TOX2: variants seen among roughly 807,000 people sequenced by gnomAD.
TOX2 encodes the protein granulosa cell HMG box 1.
TOX2 carries 15 observed loss-of-function variants against 47.4 expected under a neutral mutation model. The ratio of observed to expected loss-of-function variants is 0.32; its 90% confidence interval spans 0.21 to 0.49. The LOEUF (loss-of-function observed/expected upper bound fraction) is 0.49. Among genes scored for constraint, TOX2 ranks in the 20% least tolerant of loss-of-function variants. TOX2 has a pLI of 0.99. For synonymous variants in TOX2, 290 were observed against 296.6 expected (o/e 0.98, Z 0.23); for missense variants, 622 against 673.1 (o/e 0.92, Z 0.84).
At chr20:44,021,180 G>A (rs1047203184) in intron 3 of TOX2, among the ~76,000 whole-genome samples, 2 of 152,102 alleles carry the variant, frequency 1.3e-5, no homozygotes, top group East Asian at 1.9e-4. Flanking sequence ...TGACCAGAAC[G>A]CAAAATTCCT....
In TOX2 at chr20:44,021,606, T is replaced by C. The variant is rs73292458; in HGVS notation, c.411+14814T>C. On this transcript the variant is annotated intron_variant, in intron 3 of 8. Transcript: ENST00000341197. ...AGCAGATTAACTCTAGCCAGTACAT[T>C]GGCTGTGCCCTGCATGCTTCCACTA... Among the ~76,000 whole-genome samples the C allele has an allele frequency of 3.0e-3, 451 of 152,260 alleles. 3 individuals are homozygous for C. Among genetic ancestry groups the C allele is most frequent in the African/African-American group, 0.01 (424 of 41,538 alleles).
intron 1 of TOX2, among the ~76,000 whole-genome samples, chr20:43,960,101 G>A (rs182254707): frequency 1.3e-5 from 2 of 152,186 alleles, no homozygotes; most frequent in Admixed American, 6.5e-5. Context: ...TGAGGTTGTC[G>A]TGAGGATTAT....
intron 2 of TOX2, among the ~76,000 whole-genome samples, chr20:43,985,293 A>G (rs966683331): frequency 1.3e-5 from 2 of 152,200 alleles, no homozygotes; most frequent in Non-Finnish European, 2.9e-5. Flanking sequence ...AGGAGGGACA[A>G]TGGTCTGTCC....
chr20:44,033,462 A>G (rs2071187950), intron 3 of TOX2, among the ~76,000 whole-genome samples: 1 of 152,048 alleles, frequency 6.6e-6, no homozygotes, highest in South Asian at 2.1e-4. Context: ...TTATATATCA[A>G]AAGGGGCTTT....
At chr20:43,960,827 G>A (rs1415167166) in intron 1 of TOX2, among the ~76,000 whole-genome samples, 2 of 152,200 alleles carry the variant, frequency 1.3e-5, no homozygotes, top group African/African-American at 2.4e-5. Context: ...CATGACTCCT[G>A]GTGGGAAGAA....
At chr20:44,044,040 G>A (rs559726866) in intron 3 of TOX2, among the ~76,000 whole-genome samples, 10 of 152,330 alleles carry the variant, frequency 6.6e-5, no homozygotes, top group African/African-American at 2.4e-4. Flanking sequence ...ATGTCCATCA[G>A]TGATAGACTG....
At chr20:43,922,335 C>T (rs866889026) in intron 1 of TOX2, among the ~76,000 whole-genome samples, 1 of 152,180 alleles carries the variant, frequency 6.6e-6, no homozygotes, top group South Asian at 2.1e-4. Flanking sequence ...TCACCCTGCC[C>T]CCAGTCGTGA....
At chr20:44,057,175 C>G (rs2071634705) in intron 5 of TOX2, among the ~76,000 whole-genome samples, 1 of 152,210 alleles carries the variant, frequency 6.6e-6, no homozygotes, top group Non-Finnish European at 1.5e-5. Flanking sequence ...CCCACCTTGG[C>G]CTCCCAAAGT....
At chr20:43,992,988 T>C (rs1195373748) in intron 2 of TOX2, among the ~76,000 whole-genome samples, 1 of 152,120 alleles carries the variant, frequency 6.6e-6, no homozygotes, top group Non-Finnish European at 1.5e-5. Context: ...CCAAGCATGT[T>C]TTCCCCTCAG....
intron 5 of TOX2, among the ~76,000 whole-genome samples, chr20:44,059,229 C>T (rs1569145879): frequency 6.6e-6 from 1 of 152,128 alleles, no homozygotes; most frequent in Non-Finnish European, 1.5e-5. Context: ...GCAAAATACA[C>T]TGGGAAGTCT....
At chr20:43,992,680 TA>T (rs1448994211) in intron 2 of TOX2, among the ~76,000 whole-genome samples, 2 of 152,186 alleles carry the variant, frequency 1.3e-5, no homozygotes, top group Non-Finnish European at 2.9e-5. Context: ...TTTAATGTTT[TA>T]ACATAAATGT....
intron 1 of TOX2, among the ~76,000 whole-genome samples, chr20:43,921,623 G>A (rs568524067): frequency 6.6e-6 from 1 of 151,916 alleles, no homozygotes; most frequent in Non-Finnish European, 1.5e-5. Context: ...GCTGCTGGAG[G>A]ATGCTCCACA....
chr20:43,933,257 A>G (rs1480287678), intron 1 of TOX2, among the ~76,000 whole-genome samples: 1 of 152,240 alleles, frequency 6.6e-6, no homozygotes, highest in Non-Finnish European at 1.5e-5. Flanking sequence ...CATTCAGACC[A>G]TAGCAGATAA....
intron 1 of TOX2, among the ~76,000 whole-genome samples, chr20:43,953,052 A>G (rs978179318): frequency 6.6e-6 from 1 of 152,010 alleles, no homozygotes; most frequent in African/African-American, 2.4e-5. Context: ...GACTGGGGTG[A>G]CGGCTATGAA....
intron 8 of TOX2, among the ~76,000 whole-genome samples, 178 bp from the exon 9 acceptor site, chr20:44,068,472 G>T (rs2071874205): frequency 7.3e-6 from 1 of 137,788 alleles, no homozygotes; most frequent in Non-Finnish European, 1.5e-5. Context: ...GAGGGGTTTG[G>T]TTCTGCTTGG....
chr20:43,976,795 C>CACACACACACACACACATACACACAT (rs1263149681), intron 2 of TOX2, among the ~76,000 whole-genome samples: 3 of 151,970 alleles, frequency 2.0e-5, no homozygotes, highest in African/African-American at 7.3e-5. Flanking sequence ...CACACACACA[C>CACACACACACACACACATACACACAT]ACACACACAT....
At chr20:43,944,801 A>G (rs1164044559) in intron 1 of TOX2, among the ~76,000 whole-genome samples, 1 of 152,220 alleles carries the variant, frequency 6.6e-6, no homozygotes, top group Non-Finnish European at 1.5e-5. Context: ...GGCATAGTAC[A>G]TGACACTTAA....
At chr20:44,068,553 C>T (rs981599861) in intron 8 of TOX2, 97 bp from the exon 9 acceptor site, 34 of 1,351,370 alleles carry the variant, frequency 2.5e-5, no homozygotes, top group Non-Finnish European at 3.3e-5. Context: ...CAGCTGAATC[C>T]AGGGGTGGGG....
At chr20:43,986,574 G>T (rs1600709987) in intron 2 of TOX2, among the ~76,000 whole-genome samples, 1 of 152,104 alleles carries the variant, frequency 6.6e-6, no homozygotes, top group East Asian at 1.9e-4. Context: ...GAGCCACTGT[G>T]CCCGGCTTTA....
Sources: gnomAD v4.1 joint callset for allele counts (sites outside exome capture counted in the v4.1 genomes callset) on GRCh38, gnomAD v4.1.1 for gene constraint, MANE v1.5 for transcripts, NCBI Gene and HGNC (gene_info 2026-07-23, HGNC 2026-07-21) for gene names.